Variants in POLI observed in about 807,000 individuals in gnomAD.
POLI encodes the protein DNA polymerase iota.
POLI carries 58 observed loss-of-function variants against 51.6 expected under a neutral mutation model. The ratio of observed to expected loss-of-function variants is 1.12; its 90% CI spans 0.91 to 1.40. The LOEUF (loss-of-function observed/expected upper bound fraction) is 1.40. Among genes scored for constraint, POLI ranks in the 40% most tolerant of loss-of-function variants. The pLI, the probability that POLI is intolerant of heterozygous loss-of-function variation, is 0.00. For missense variants in POLI, 921 were observed against 871.3 expected (o/e 1.06, Z -0.72); for synonymous variants, 322 against 299.7 (o/e 1.07, Z -0.77).
intron 7 of POLI, among the ~76,000 whole-genome samples, chr18:54,285,084 A>G (rs898056807): frequency 2.0e-5 from 3 of 152,082 alleles, no homozygotes; most frequent in Non-Finnish European, 4.4e-5. Context: ...ATTTCCTCCA[A>G]CTTTGCTGTC....
downstream of POLI, among the ~76,000 whole-genome samples, chr18:54,299,162 T>C (rs2088446249): frequency 6.6e-6 from 1 of 152,148 alleles, no homozygotes; most frequent in African/African-American, 2.4e-5. Flanking sequence ...GGGCCGGGCG[T>C]GGTGGCTCAT....
At chr18:54,304,692 T>G (rs920990566) in intron 3 of POLI, among the ~76,000 whole-genome samples, 3 of 152,140 alleles carry the variant, frequency 2.0e-5, no homozygotes, top group Non-Finnish European at 4.4e-5. Flanking sequence ...TTGCAAAAAT[T>G]TTCTCCCATT....
At position 54,282,876 on chromosome 18, in the gene POLI, G is replaced by C. The variant is rs757736389; in HGVS notation, c.836G>C (p.Gly279Ala). Residue 279 changes from glycine (G) to alanine (A), a missense_variant, in exon 6 of 10, where the codon GGT (glycine) becomes GCT (alanine). Gly to Ala is a moderately conservative substitution (Grantham distance 60). Transcript: ENST00000579534. Reference sequence around the variant, plus strand: ...ACTGCCAAATGTCTTGAAGCACTGGGTATCAATAGTGTGCGTGATCTCCAA... The same window carrying C: ...ACTGCCAAATGTCTTGAAGCACTGGCTATCAATAGTGTGCGTGATCTCCAA... ...YKTAKCLEAL[G>A]INSVRDLQTF... 28 of 1,575,652 alleles carry C rather than the reference G, an allele frequency of 1.8e-5. No homozygotes were observed. Among genetic ancestry groups the C allele is most frequent in the Non-Finnish European group, 2.4e-5 (28 of 1,158,658 alleles).
At chr18:54,280,588 C>T in intron 4 of POLI, 79 bp from the exon 5 acceptor site, 1 of 891,884 alleles carries the variant, frequency 1.1e-6, no homozygotes. Context: ...AGACTAAGCC[C>T]TCTACCTTTT....
rs777558307 is a variant in POLI, at chr18:54,271,353, TG to T, written c.116-6del. On this transcript the variant is annotated splice_region_variant and splice_polypyrimidine_tract_variant and intron_variant, in intron 1 of 9. Coordinates refer to ENST00000579534, the MANE Select transcript of POLI (RefSeq NM_007195.3). Reference sequence around the variant, plus strand: ...AATTTCTTTTTATTTCTTTGCATATTGTGCAGGAGTTCATGATCAAGTGTTG... The same window carrying T: ...AATTTCTTTTTATTTCTTTGCATATTTGCAGGAGTTCATGATCAAGTGTTG... The T allele has an allele frequency of 4.4e-6, 7 of 1,597,936 alleles. No homozygotes were observed. The highest frequency in any genetic ancestry group is 4.5e-5 in the East Asian group (2 of 44,564).
At chr18:54,299,917 AT>A (rs767703206), downstream of POLI, among the ~76,000 whole-genome samples, 16 of 152,184 alleles carry the variant, frequency 1.1e-4, no homozygotes, top group Non-Finnish European at 2.2e-4. Context: ...AATTTTGAAA[AT>A]ATTGGAAGCC....
intron 3 of POLI, among the ~76,000 whole-genome samples, chr18:54,318,469 C>T (rs372395995): frequency 6.6e-6 from 1 of 151,822 alleles, no homozygotes; most frequent in South Asian, 2.1e-4. Context: ...CTATTTTTTG[C>T]TAGCTTATGA....
intron 8 of POLI, chr18:54,287,789 C>G (rs1358966998): frequency 1.3e-5 from 2 of 154,718 alleles, no homozygotes; most frequent in Non-Finnish European, 2.9e-5. Flanking sequence ...AACTCCTGAG[C>G]TCAAGCAATC....
Position 54,297,814 on chromosome 18 carries a change from ATAT to A in POLI, c.*3353_*3355del, listed in dbSNP as rs2088407317. The stretch of plus-strand genomic sequence containing the variant: ...GTTCTTTATTAAATCTCCAAATTGG[ATAT>A]TATTAGTATTTTATATAGTCAATGT... On this transcript the variant is annotated 3_prime_UTR_variant, in exon 10 of 10. Coordinates refer to ENST00000579534, the MANE Select transcript of POLI (RefSeq NM_007195.3). 1.0e-6 allele frequency: 1 copy of A among 960,218 alleles called. No individual in the cohort carries two copies. The highest frequency in any genetic ancestry group is 1.2e-6 in the Non-Finnish European group (1 of 806,916). 59.5% of individuals were successfully genotyped at this position (960,218 alleles called of 1,614,324 possible). A position where few individuals can be genotyped will look rare whatever the true frequency, so the allele number is the denominator to read the frequency against.
At chr18:54,313,299 A>G (rs1396727790) in intron 3 of POLI, among the ~76,000 whole-genome samples, 1 of 152,068 alleles carries the variant, frequency 6.6e-6, no homozygotes, top group Non-Finnish European at 1.5e-5. Flanking sequence ...ACTCTGCTCC[A>G]TTGGTGTATA....
At chr18:54,307,705 T>C (rs62091231) in intron 3 of POLI, among the ~76,000 whole-genome samples, 2 of 152,260 alleles carry the variant, frequency 1.3e-5, no homozygotes, top group South Asian at 2.1e-4. Context: ...CCCATTATTA[T>C]TGTGTGGGAG....
At chr18:54,271,232 A>T in intron 1 of POLI, 128 bp from the exon 2 acceptor site, 1 of 713,230 alleles carries the variant, frequency 1.4e-6, no homozygotes, top group Non-Finnish European at 2.2e-6. Flanking sequence ...ATGCTTTCAC[A>T]CATAATCCAG....
intron 7 of POLI, among the ~76,000 whole-genome samples, chr18:54,286,444 C>G (rs3730764): frequency 3.3e-5 from 5 of 151,698 alleles, no homozygotes; most frequent in African/African-American, 4.8e-5. Flanking sequence ...ATAGTATATG[C>G]TCTTTTAAGA....
downstream of POLI, among the ~76,000 whole-genome samples, chr18:54,302,951 A>G (rs1453352941): frequency 6.6e-6 from 1 of 152,184 alleles, no homozygotes; most frequent in Non-Finnish European, 1.5e-5. Flanking sequence ...ATGTTTCTCA[A>G]TTAGTTTTCA....
At chr18:54,278,026 A>G (rs570693837) in intron 4 of POLI, among the ~76,000 whole-genome samples, 171 bp downstream of exon 4, 11 of 152,306 alleles carry the variant, frequency 7.2e-5, no homozygotes, top group South Asian at 2.1e-4. Flanking sequence ...CTATTCCATA[A>G]TAAGTGTTAA....
At chr18:54,309,851 C>G (rs2088645649) in intron 3 of POLI, among the ~76,000 whole-genome samples, 2 of 152,224 alleles carry the variant, frequency 1.3e-5, no homozygotes, top group Admixed American at 1.3e-4. Flanking sequence ...GACTGCTGCA[C>G]TAGCAGTGAG....
downstream of POLI, among the ~76,000 whole-genome samples, chr18:54,300,360 T>TA (rs2088470416): frequency 6.6e-6 from 1 of 152,148 alleles, no homozygotes; most frequent in Non-Finnish European, 1.5e-5. Flanking sequence ...GTAAGGCCCT[T>TA]AAACTAAACA....
chr18:54,272,709 C>T (rs1286429993), intron 2 of POLI, among the ~76,000 whole-genome samples: 7 of 150,916 alleles, frequency 4.6e-5, no homozygotes, highest in Non-Finnish European at 8.9e-5. Flanking sequence ...TGAATTCAGG[C>T]GATCCACCTG....
At chr18:54,299,108 C>A (rs1044577352), downstream of POLI, among the ~76,000 whole-genome samples, 1 of 152,150 alleles carries the variant, frequency 6.6e-6, no homozygotes, top group Non-Finnish European at 1.5e-5. Context: ...CGTTGGCCTA[C>A]AGTTGGGCAA....
Sources: gnomAD v4.1 joint callset for allele counts (sites outside exome capture counted in the v4.1 genomes callset) on GRCh38, gnomAD v4.1.1 for gene constraint, MANE v1.5 for transcripts, NCBI Gene and HGNC (gene_info 2026-07-23, HGNC 2026-07-21) for gene names.